The following CAPN5 variants were observed in gnomAD, a reference collection of about 807,000 sequenced individuals.
The protein encoded by CAPN5 is calpain-5.
Under a neutral mutation model 73.0 loss-of-function variants are expected in CAPN5, and 54 were observed. That is an observed-to-expected ratio of 0.74 (90% CI 0.59 to 0.93). The LOEUF (loss-of-function observed/expected upper bound fraction) is 0.93. CAPN5 is among the 40% of genes least tolerant of loss of function. The pLI is 0.00. For missense variants in CAPN5, 785 were observed against 882.9 expected (o/e 0.89, Z 1.41); for synonymous variants, 335 against 356.9 (o/e 0.94, Z 0.69).
chr11:77,069,961 A>C (rs61902103), intron 1 of CAPN5, among the ~76,000 whole-genome samples: 115,851 of 151,628 alleles, frequency 0.76, 45,034 homozygotes, highest in African/African-American at 0.92. Flanking sequence ...TTGCCTATGA[A>C]CTCAGGCTTT....
Position 77,084,886 on chromosome 11 carries a change from C to T in CAPN5, c.-1C>T, listed in dbSNP as rs1263664008. On this transcript the variant is annotated 5_prime_UTR_variant, in exon 2 of 13. Transcript: ENST00000648180. ...CTCCCCTCCCTGGGGCAGCAGCCAC[C>T]ATGTTCTCGTGTGTGAAGCCCTATG... The T allele has an allele frequency of 6.2e-7, 1 of 1,613,960 alleles. No homozygotes were observed. The highest frequency in any genetic ancestry group is 1.3e-5 in the African/African-American group (1 of 74,942).
intron 4 of CAPN5, among the ~76,000 whole-genome samples, chr11:77,113,739 C>G (rs1484503241): frequency 2.8e-5 from 1 of 35,808 alleles, no homozygotes; most frequent in Non-Finnish European, 5.1e-5. Context: ...GGATGCAGGT[C>G]GACCCAGTGG....
chr11:77,110,417 G>T (rs868959757), intron 3 of CAPN5, among the ~76,000 whole-genome samples: 1 of 152,126 alleles, frequency 6.6e-6, no homozygotes, highest in Non-Finnish European at 1.5e-5. Flanking sequence ...AGGAGTCAGG[G>T]CATTTTTACT....
chr11:77,088,419 C>A (rs1950113709), intron 2 of CAPN5, among the ~76,000 whole-genome samples: 1 of 152,160 alleles, frequency 6.6e-6, no homozygotes, highest in Non-Finnish European at 1.5e-5. Flanking sequence ...CAGGAATGAC[C>A]CCCTTCTGGG....
chr11:77,122,235 G>A (rs1258138654), intron 11 of CAPN5, among the ~76,000 whole-genome samples, 186 bp downstream of exon 11: 3 of 152,222 alleles, frequency 2.0e-5, no homozygotes, highest in Non-Finnish European at 2.9e-5. Context: ...CTCTCAGGAG[G>A]CTTCCAGCTG....
At chr11:77,122,167 C>A in intron 11 of CAPN5, 118 bp downstream of exon 11, 1 of 614,052 alleles carries the variant, frequency 1.6e-6, no homozygotes, top group African/African-American at 1.8e-5. Context: ...GCAGGCCTGG[C>A]CATTTCTGGG....
intron 7 of CAPN5, among the ~76,000 whole-genome samples, chr11:77,116,590 C>T (rs1409372191): frequency 1.3e-5 from 2 of 152,108 alleles, no homozygotes; most frequent in Admixed American, 6.5e-5. Flanking sequence ...GTCAGGGAGC[C>T]GTCTAAGAGG....
intron 1 of CAPN5, among the ~76,000 whole-genome samples, chr11:77,082,768 TC>T (rs1555034803): frequency 6.6e-6 from 1 of 152,076 alleles, no homozygotes; most frequent in Non-Finnish European, 1.5e-5. Flanking sequence ...GTTGGCCCCT[TC>T]CTAGCCTGGA....
At chr11:77,074,224 G>T (rs1949943279) in intron 1 of CAPN5, among the ~76,000 whole-genome samples, 1 of 152,150 alleles carries the variant, frequency 6.6e-6, no homozygotes, top group South Asian at 2.1e-4. Context: ...GCTCAAGCCA[G>T]GGCTCTTCCA....
At chr11:77,104,436 A>T (rs1222613649) in intron 3 of CAPN5, among the ~76,000 whole-genome samples, 4 of 152,198 alleles carry the variant, frequency 2.6e-5, no homozygotes, top group Admixed American at 1.3e-4. Context: ...CGTGGTGGGC[A>T]GTTACGACGG....
intron 3 of CAPN5, among the ~76,000 whole-genome samples, chr11:77,094,464 G>A (rs1950187626): frequency 6.6e-6 from 1 of 152,250 alleles, no homozygotes; most frequent in South Asian, 2.1e-4. Context: ...TCCTATCCCA[G>A]CACTTGGCAG....
chr11:77,111,244 T>C (rs1332006723), intron 3 of CAPN5, among the ~76,000 whole-genome samples: 3 of 152,122 alleles, frequency 2.0e-5, no homozygotes, highest in Non-Finnish European at 4.4e-5. Flanking sequence ...GACCATGTGA[T>C]TCACCTGGTT....
At chr11:77,103,150 C>T (rs912531115) in intron 3 of CAPN5, 2 of 1,613,846 alleles carry the variant, frequency 1.2e-6, no homozygotes, top group Non-Finnish European at 1.7e-6. Context: ...GACCCCACTG[C>T]CATCTTCTGG....
intron 11 of CAPN5, 42 bp downstream of exon 11, chr11:77,122,091 T>A: frequency 8.3e-7 from 1 of 1,208,874 alleles, no homozygotes; most frequent in South Asian, 1.5e-5. Flanking sequence ...TCCTGCCAGT[T>A]GTCCCATGGC....
At chr11:77,093,596 CACGTCTGTGTCTGT>C in intron 2 of CAPN5, 72 bp from the exon 3 acceptor site, 12 of 768,952 alleles carry the variant, frequency 1.6e-5, no homozygotes, top group South Asian at 2.3e-5. Flanking sequence ...CTGTGTCTGT[CACGTCTGTGTCTGT>C]CATGTCTCCT....
Position 77,083,041 on chromosome 11 carries a change from C to G in CAPN5, c.-35-1811C>G, listed in dbSNP as rs371622901. On this transcript the variant is annotated intron_variant, in intron 1 of 12. Coordinates refer to ENST00000648180, the MANE Select transcript of CAPN5 (RefSeq NM_004055.5). The stretch of plus-strand genomic sequence containing the variant: ...CGGAAGCTGGCTCTGTGAGCTCCTC[C>G]CCTCTCTCCCTCAGACCTCCAAGGC... Among the ~76,000 whole-genome samples the G allele has an allele frequency of 2.0e-5, 3 of 152,190 alleles. No individual in the cohort carries two copies. In the South Asian group the frequency reaches 6.2e-4, roughly 31 times the overall value.
At chr11:77,083,569 A>G (rs1950049414) in intron 1 of CAPN5, among the ~76,000 whole-genome samples, 1 of 152,170 alleles carries the variant, frequency 6.6e-6, no homozygotes. Flanking sequence ...CCGTGTGCCC[A>G]CCGGCACTGT....
chr11:77,078,220 C>T (rs1555034165), intron 1 of CAPN5, among the ~76,000 whole-genome samples: 1 of 152,112 alleles, frequency 6.6e-6, no homozygotes, highest in East Asian at 1.9e-4. Context: ...AGTCTTTAGT[C>T]CGTTTGAGTC....
At position 77,115,565 on chromosome 11, in the gene CAPN5, G is replaced by A. The variant is rs990704768; in HGVS notation, c.870G>A (p.Glu290=). The A allele has an allele frequency of 4.3e-6, 7 of 1,612,060 alleles. 1 individual carries two copies. In the South Asian group the frequency reaches 7.7e-5, roughly 18 times the overall value. The change falls in exon 6 of 13, where the codon GAG becomes GAA. Residue 290 remains glutamate, a synonymous_variant. Coordinates refer to ENST00000648180, the MANE Select transcript of CAPN5 (RefSeq NM_004055.5). ...IRLRNPWGER[E]WNGPWSDTSE... Reference sequence around the variant, plus strand: ...TGCGCAACCCCTGGGGCGAGCGGGAGTGGAACGGGCCCTGGAGTGACACGT... The same window carrying A: ...TGCGCAACCCCTGGGGCGAGCGGGAATGGAACGGGCCCTGGAGTGACACGT...
Sources: gnomAD v4.1 joint callset for allele counts (sites outside exome capture counted in the v4.1 genomes callset) on GRCh38, gnomAD v4.1.1 for gene constraint, MANE v1.5 for transcripts, NCBI Gene and HGNC (gene_info 2026-07-23, HGNC 2026-07-21) for gene names.